Variants in PCDHA11 observed in about 807,000 individuals in gnomAD.
The protein encoded by PCDHA11 is protocadherin alpha-11.
PCDHA11 carries 61 observed loss-of-function variants against 70.3 expected under a neutral mutation model. The ratio of observed to expected loss-of-function variants is 0.87; its 90% CI spans 0.71 to 1.07. The LOEUF is 1.07. Ranked by LOEUF, PCDHA11 falls within the 50% of genes least tolerant of loss-of-function variation. The pLI, the probability that PCDHA11 is intolerant of heterozygous loss-of-function variation, is 0.00. For missense variants in PCDHA11, 1,324 were observed against 1,237.5 expected (o/e 1.07, Z -1.05); for synonymous variants, 633 against 555.1 (o/e 1.14, Z -1.97).
intron 1 of PCDHA11, among the ~76,000 whole-genome samples, chr5:140,905,747 C>T (rs2072054792): frequency 2.0e-5 from 3 of 152,156 alleles, no homozygotes; most frequent in South Asian, 2.1e-4. Context: ...AGAGATCTTT[C>T]ACCTCCTTGG....
chr5:140,997,087 T>C (rs1218654416), intron 3 of PCDHA11, among the ~76,000 whole-genome samples: 4 of 152,156 alleles, frequency 2.6e-5, no homozygotes, highest in Non-Finnish European at 5.9e-5. Flanking sequence ...GAGTAGAAAG[T>C]GCAGAGTTCT....
chr5:141,001,670 C>T (rs1554258276), intron 3 of PCDHA11, among the ~76,000 whole-genome samples: 1 of 151,900 alleles, frequency 6.6e-6, no homozygotes, highest in African/African-American at 2.4e-5. Flanking sequence ...CTTGTCCAGT[C>T]GGTCCAACAA....
chr5:140,902,885 T>C (rs2069815301), intron 1 of PCDHA11, among the ~76,000 whole-genome samples: 1 of 152,238 alleles, frequency 6.6e-6, no homozygotes, highest in Admixed American at 6.5e-5. Context: ...CTGCAAAAGC[T>C]ATTATTTTAT....
At chr5:140,884,376 C>T (rs1554181489) in intron 1 of PCDHA11, 2 of 1,613,982 alleles carry the variant, frequency 1.2e-6, no homozygotes, top group Non-Finnish European at 1.7e-6. Context: ...TTGATCATTG[C>T]CATCTGCGCG....
intron 1 of PCDHA11, among the ~76,000 whole-genome samples, chr5:140,960,693 T>C (rs2095562408): frequency 6.6e-6 from 1 of 152,136 alleles, no homozygotes; most frequent in Non-Finnish European, 1.5e-5. Flanking sequence ...AATGAGGGTG[T>C]TCTTTAGTGC....
At chr5:140,998,148 A>G (rs1229553205) in intron 3 of PCDHA11, among the ~76,000 whole-genome samples, 10 of 152,234 alleles carry the variant, frequency 6.6e-5, no homozygotes, top group Admixed American at 6.5e-4. Flanking sequence ...TGTACTGAAC[A>G]GTTAAGCCAT....
At chr5:140,981,666 C>CT (rs1430989347) in intron 2 of PCDHA11, among the ~76,000 whole-genome samples, 8 of 152,058 alleles carry the variant, frequency 5.3e-5, no homozygotes, top group Non-Finnish European at 1.0e-4. Flanking sequence ...TTCTTCCTTC[C>CT]TTTCTTCCTT....
intron 1 of PCDHA11, chr5:140,875,985 G>T: frequency 6.2e-7 from 1 of 1,613,950 alleles, no homozygotes; most frequent in South Asian, 1.1e-5. Context: ...TGACCTATGC[G>T]TTAAGTCTAA....
chr5:140,890,341 T>C (rs2062601372), intron 1 of PCDHA11, among the ~76,000 whole-genome samples: 1 of 152,190 alleles, frequency 6.6e-6, no homozygotes, highest in Non-Finnish European at 1.5e-5. Context: ...GTTGGGATGG[T>C]TTACTATATA....
At chr5:140,877,881 G>T (rs782565949) in intron 1 of PCDHA11, 73 of 1,468,602 alleles carry the variant, frequency 5.0e-5, no homozygotes, top group Non-Finnish European at 5.9e-5. Flanking sequence ...TTTCCTTGAA[G>T]AACTTCCGTT....
Position 140,968,897 on chromosome 5 carries a change from G to A in PCDHA11, c.2392-10052G>A, listed in dbSNP as rs1554231210. On this transcript the variant is annotated intron_variant, in intron 1 of 3. Transcript: ENST00000398640. The stretch of plus-strand genomic sequence containing the variant: ...TGAAATTACCCTTTATCTAATAATA[G>A]CATTAAGCACAGTGTCTTTTATATT... The A allele has an allele frequency of 3.7e-6, 6 of 1,614,034 alleles. No homozygotes were observed. In the African/African-American group the frequency reaches 4.0e-5, roughly 11 times the overall value.
chr5:140,944,364 T>G (rs1264806074), intron 1 of PCDHA11, among the ~76,000 whole-genome samples: 1 of 152,072 alleles, frequency 6.6e-6, no homozygotes, highest in Non-Finnish European at 1.5e-5. Flanking sequence ...ATTTTTAATT[T>G]TTTATAGAGA....
At chr5:140,992,095 G>T (rs1554252652) in intron 3 of PCDHA11, among the ~76,000 whole-genome samples, 1 of 151,540 alleles carries the variant, frequency 6.6e-6, no homozygotes, top group East Asian at 1.9e-4. Context: ...TAGAGAAAGA[G>T]AATTAAGGTG....
intron 1 of PCDHA11, among the ~76,000 whole-genome samples, chr5:140,959,960 T>C (rs1236536895): frequency 6.6e-6 from 1 of 152,124 alleles, no homozygotes; most frequent in Non-Finnish European, 1.5e-5. Context: ...AGGTAGGAGG[T>C]AGATGTTACT....
rs782035990 is a variant in PCDHA11 at position 140,871,124 on chromosome 5, C to T, written c.2021C>T (p.Ala674Val). 1.9e-6 allele frequency: 3 copies of T among 1,613,326 alleles called. No homozygotes were observed. The highest frequency in any genetic ancestry group is 8.5e-7 in the Non-Finnish European group (1 of 1,179,882). The change falls in exon 1 of 4, where the codon GCG becomes GTG. Residue 674 changes from alanine (A) to valine (V), a missense_variant. Physicochemically the swap from Ala to Val is moderately conservative, Grantham distance 64. Coordinates refer to ENST00000398640, the MANE Select transcript of PCDHA11 (RefSeq NM_018902.5). ...VLVSLVESGQ[A>V]PKASSRTLAG... ...GTGTCGTTGGTGGAGAGCGGACAGG[C>T]GCCAAAGGCCTCTTCCCGGACTTTG...
At chr5:141,001,997 C>G (rs2098052259) in intron 3 of PCDHA11, among the ~76,000 whole-genome samples, 1 of 152,190 alleles carries the variant, frequency 6.6e-6, no homozygotes, top group Admixed American at 6.5e-5. Context: ...AGTTCACTTG[C>G]AAACACAGAA....
At chr5:140,894,035 T>C (rs1554185902) in intron 1 of PCDHA11, among the ~76,000 whole-genome samples, 1 of 152,220 alleles carries the variant, frequency 6.6e-6, no homozygotes, top group Non-Finnish European at 1.5e-5. Context: ...ATACTGGTAA[T>C]GTAAGTCCTC....
At chr5:140,877,225 G>A in intron 1 of PCDHA11, 1 of 1,613,746 alleles carries the variant, frequency 6.2e-7, no homozygotes. Context: ...ACCGCGGTCG[G>A]TGGGTGCGGG....
Position 141,009,759 on chromosome 5 carries a change from GATCTCCTGCAATCATCTCC to G in PCDHA11, c.2676_2694del (p.Pro893GlyfsTer15). 6.2e-7 allele frequency: 1 copy of G among 1,614,082 alleles called. No individual in the cohort carries two copies. The highest frequency in any genetic ancestry group is 8.5e-7 in the Non-Finnish European group (1 of 1,180,014). On this transcript the variant is annotated frameshift_variant, in exon 4 of 4. Transcript: ENST00000398640. LOFTEE classifies it high-confidence loss of function. Reference sequence around the variant, plus strand: ...TTGCCCGACAAATTCATTATCCCAGGATCTCCTGCAATCATCTCCATCCGGCAGGAGCCTACTAACAGCC... The same window carrying G: ...TTGCCCGACAAATTCATTATCCCAGGATCCGGCAGGAGCCTACTAACAGCC...
Sources: allele counts gnomAD v4.1 joint callset (sites outside exome capture counted in the v4.1 genomes callset), GRCh38; gene constraint gnomAD v4.1.1; transcripts MANE v1.5; gene names NCBI Gene and HGNC (gene_info 2026-07-23, HGNC 2026-07-21).